Variants in DNAH7 observed in about 807,000 individuals in gnomAD.
DNAH7 encodes the protein dynein axonemal heavy chain 7.
A neutral mutation model predicts 444.6 loss-of-function variants in DNAH7; 397 were observed. The ratio of observed to expected loss-of-function variants is 0.89; its 90% CI spans 0.82 to 0.97. The LOEUF is 0.97. Ranked by LOEUF, DNAH7 falls within the 50% of genes least tolerant of loss-of-function variation. DNAH7 has a pLI of 0.00. For missense variants in DNAH7, 4,902 were observed against 4,800.8 expected (o/e 1.02, Z -0.62); for synonymous variants, 1,636 against 1,624.4 (o/e 1.01, Z -0.17).
At chr2:195,848,532 T>C (rs1449108459) in intron 46 of DNAH7, among the ~76,000 whole-genome samples, 5 of 152,258 alleles carry the variant, frequency 3.3e-5, no homozygotes, top group African/African-American at 4.8e-5. Context: ...TGTGTGATTA[T>C]AGATTCTTCA....
intron 51 of DNAH7, 97 bp from the exon 52 acceptor site, chr2:195,809,968 TG>T: frequency 2.0e-6 from 2 of 992,672 alleles, no homozygotes; most frequent in Non-Finnish European, 2.6e-6. Context: ...ATAAACTTTC[TG>T]GTCAATTACC....
At chr2:195,865,201 C>T (rs554495090) in intron 40 of DNAH7, among the ~76,000 whole-genome samples, 180 bp from the exon 41 acceptor site, 2 of 152,196 alleles carry the variant, frequency 1.3e-5, no homozygotes, top group African/African-American at 4.8e-5. Context: ...TTAATTTTAA[C>T]TCTATATTTA....
chr2:196,022,556 C>T (rs554831881), intron 8 of DNAH7, among the ~76,000 whole-genome samples: 18 of 152,348 alleles, frequency 1.2e-4, no homozygotes, highest in African/African-American at 4.3e-4. Flanking sequence ...AACTCCTCAT[C>T]TGTTCAAGTT....
chr2:195,956,205 A>C (rs2125505971), intron 19 of DNAH7, among the ~76,000 whole-genome samples: 1 of 152,338 alleles, frequency 6.6e-6, no homozygotes, highest in African/African-American at 2.4e-5. Context: ...TTTCAGGGTA[A>C]GACATTTTTA....
At chr2:195,934,513 A>G (rs1688913432) in intron 21 of DNAH7, 78 bp downstream of exon 21, 3 of 1,418,628 alleles carry the variant, frequency 2.1e-6, no homozygotes, top group Admixed American at 1.8e-5. Context: ...AAATAACAGT[A>G]CATTTATCAA....
At chr2:195,865,416 G>A (rs1305497036) in intron 40 of DNAH7, among the ~76,000 whole-genome samples, 1 of 152,160 alleles carries the variant, frequency 6.6e-6, no homozygotes, top group Non-Finnish European at 1.5e-5. Context: ...CTTTTTCTAA[G>A]ATAGATAACA....
chr2:195,746,648 T>C (rs1445862363), intron 63 of DNAH7, among the ~76,000 whole-genome samples: 1 of 152,110 alleles, frequency 6.6e-6, no homozygotes, highest in Non-Finnish European at 1.5e-5. Flanking sequence ...CAAACTGTCT[T>C]TCAGACCACA....
In DNAH7 at chr2:195,864,195, C is replaced by T; in HGVS notation, c.7460G>A (p.Arg2487Lys). The part of the protein sequence containing the change: ...PIGDAFRNRL[R>K]KFPALVNCCT... Reference sequence around the variant, plus strand: ...GCAGTTAACAAGAGCAGGGAACTTTCTAAGACGATTCCGAAATGCATCTCC... The same window carrying T: ...GCAGTTAACAAGAGCAGGGAACTTTTTAAGACGATTCCGAAATGCATCTCC... Residue 2487 changes from arginine to lysine, a missense_variant, in exon 41 of 65, where the codon AGA becomes AAA. By Grantham distance (26) the Arg-to-Lys change is conservative. Transcript: ENST00000312428. 2 of 1,614,134 alleles carry T rather than the reference C, an allele frequency of 1.2e-6. No homozygotes were observed. The highest frequency in any genetic ancestry group is 1.3e-5 in the African/African-American group (1 of 75,024).
intron 3 of DNAH7, 94 bp downstream of exon 3, chr2:196,051,093 G>C (rs1317389863): frequency 1.8e-6 from 2 of 1,081,806 alleles, no homozygotes; most frequent in East Asian, 2.4e-5. Flanking sequence ...GAATCAAATG[G>C]AGCAGGAATT....
At chr2:196,051,550 A>G (rs1009795800) in intron 2 of DNAH7, among the ~76,000 whole-genome samples, 1 of 152,050 alleles carries the variant, frequency 6.6e-6, no homozygotes, top group Non-Finnish European at 1.5e-5. Flanking sequence ...GGCGGATCAC[A>G]AGGTCAGGAG....
At chr2:195,960,066 A>G (rs1033998444) in intron 18 of DNAH7, among the ~76,000 whole-genome samples, 194 bp downstream of exon 18, 2 of 152,214 alleles carry the variant, frequency 1.3e-5, no homozygotes, top group African/African-American at 2.4e-5. Flanking sequence ...ATTGATTATA[A>G]TATCTTTAAA....
In DNAH7 at chr2:195,782,122, A is replaced by G. The variant is rs560530376; in HGVS notation, c.10879-4137T>C. 7.1e-4 allele frequency among the ~76,000 whole-genome samples: 108 copies of G among 152,128 alleles called. 1 individual carries two copies. The highest frequency in any genetic ancestry group is 3.4e-3 in the Middle Eastern group (1 of 294). On this transcript the variant is annotated intron_variant, in intron 58 of 64. Coordinates refer to ENST00000312428, the MANE Select transcript of DNAH7 (RefSeq NM_018897.3). The stretch of plus-strand genomic sequence containing the variant: ...TTCTTTTACACTTTTAATTTTTTCT[A>G]TTTAGTCTTTTTGGATCCAACAGAA...
chr2:196,032,659 C>T (rs1161825600), intron 5 of DNAH7, among the ~76,000 whole-genome samples: 1 of 152,186 alleles, frequency 6.6e-6, no homozygotes, highest in Non-Finnish European at 1.5e-5. Context: ...AAGTTCAAGT[C>T]CAGATGGCTT....
At chr2:195,872,561 T>C (rs1700782122) in intron 39 of DNAH7, 92 bp from the exon 40 acceptor site, 12 of 739,408 alleles carry the variant, frequency 1.6e-5, no homozygotes, top group Non-Finnish European at 2.5e-5. Context: ...AACATAAAAT[T>C]TTAATTTTGA....
At chr2:196,068,439 G>A (rs771158002) in intron 1 of DNAH7, 9 of 549,046 alleles carry the variant, frequency 1.6e-5, no homozygotes, top group East Asian at 3.1e-5. Context: ...GCTCTGGGCT[G>A]TGGCTCCCCC....
chr2:195,878,401 G>A (rs1559175843), intron 36 of DNAH7, among the ~76,000 whole-genome samples: 1 of 152,086 alleles, frequency 6.6e-6, no homozygotes, highest in Non-Finnish European at 1.5e-5. Context: ...GAGCCCAGGA[G>A]TTGGAGATCA....
intron 12 of DNAH7, chr2:195,995,611 C>A (rs1459430233): frequency 6.9e-6 from 2 of 288,228 alleles, no homozygotes; most frequent in African/African-American, 4.5e-5. Context: ...AGAGAGGGGA[C>A]CCGGAGGGCC....
At position 195,960,471 on chromosome 2, in the gene DNAH7, C is replaced by T. The variant is rs879145399; in HGVS notation, c.2680G>A (p.Ala894Thr). 2 of 1,614,188 alleles carry T rather than the reference C, an allele frequency of 1.2e-6. No homozygotes were observed. The highest frequency in any genetic ancestry group is 2.2e-5 in the South Asian group (2 of 91,080). Residue 894 changes from alanine to threonine, a missense_variant, in exon 18 of 65, where the codon GCA (alanine) becomes ACA (threonine). By Grantham distance (58) the Ala-to-Thr change is moderately conservative. Transcript: ENST00000312428. ...TCAAGAGAATATTCTTTGCTAGCTG[C>T]TTCACTAATACCTTCAAATCGGTCT... ...YIDRFEGISE[A>T]ASKEYSLEKA...
chr2:196,053,374 C>T (rs182430864), intron 2 of DNAH7, among the ~76,000 whole-genome samples: 1 of 152,346 alleles, frequency 6.6e-6, no homozygotes, highest in Admixed American at 6.5e-5. Flanking sequence ...TCAGTTTACA[C>T]CTTTAGTCTC....
Sources: gnomAD v4.1 joint callset for allele counts (sites outside exome capture counted in the v4.1 genomes callset) on GRCh38, gnomAD v4.1.1 for gene constraint, MANE v1.5 for transcripts, NCBI Gene and HGNC (gene_info 2026-07-23, HGNC 2026-07-21) for gene names.